The following TRIP4 variants were observed in gnomAD, a reference collection of about 807,000 sequenced individuals.
TRIP4 encodes thyroid hormone receptor interactor 4.
A neutral mutation model predicts 81.8 loss-of-function variants in TRIP4; 54 were observed. The ratio of observed to expected loss-of-function variants is 0.66; its 90% confidence interval spans 0.53 to 0.83. The LOEUF (loss-of-function observed/expected upper bound fraction) is 0.83, where lower values mean the gene tolerates loss of function less well. Ranked by LOEUF, TRIP4 falls within the 40% of genes least tolerant of loss-of-function variation. The probability of loss-of-function intolerance (pLI) is 0.00; values close to 1 mark genes in which losing one functional copy is unlikely to be tolerated. For synonymous variants in TRIP4, 270 were observed against 242.8 expected, an observed-to-expected ratio of 1.11 and a Z score of -1.04; for missense variants, 662 against 683.6, an observed-to-expected ratio of 0.97 and a Z score of 0.35.
rs1891481549 is a variant in TRIP4 at position 64,400,841 on chromosome 15, T to A, written c.697+20T>A. The A allele has an allele frequency of 6.2e-7, 1 of 1,600,878 alleles. No homozygotes were observed. Among genetic ancestry groups the A allele is most frequent in the Admixed American group, 1.7e-5 (1 of 59,782 alleles). On this transcript the variant is annotated intron_variant, in intron 5 of 12. Transcript: ENST00000261884. ...TGTCAGGTAGACAGCAGTCTTGTAA[T>A]TGGATCACTGGGATGATGGGTACCT...
chr15:64,409,170 G>A (rs7183632), intron 6 of TRIP4, among the ~76,000 whole-genome samples: 111,914 of 150,966 alleles, frequency 0.74, 45,085 homozygotes, highest in East Asian at 0.96. Flanking sequence ...CAGCCTGAGC[G>A]ACAGAACGAG....
intron 1 of TRIP4, among the ~76,000 whole-genome samples, chr15:64,391,160 T>C (rs1251697394): frequency 6.6e-6 from 1 of 152,020 alleles, no homozygotes; most frequent in Non-Finnish European, 1.5e-5. Context: ...ATTAACTTTT[T>C]TTTTTTTCTT....
At chr15:64,436,040 AT>A (rs1211697491) in intron 11 of TRIP4, among the ~76,000 whole-genome samples, 1 of 152,056 alleles carries the variant, frequency 6.6e-6, no homozygotes, top group Non-Finnish European at 1.5e-5. Flanking sequence ...CACACCTGTA[AT>A]CCCAGCATTT....
chr15:64,416,074 G>A (rs911994625), intron 8 of TRIP4, among the ~76,000 whole-genome samples: 1 of 152,032 alleles, frequency 6.6e-6, no homozygotes, highest in Non-Finnish European at 1.5e-5. Flanking sequence ...GACCAAAAGT[G>A]GGAGCCGGGC....
At chr15:64,407,829 G>A (rs1891664699) in intron 6 of TRIP4, among the ~76,000 whole-genome samples, 1 of 152,034 alleles carries the variant, frequency 6.6e-6, no homozygotes, top group Non-Finnish European at 1.5e-5. Context: ...AGGCACAGTG[G>A]CTCACGCCTG....
At chr15:64,434,745 A>G (rs1321481466) in intron 11 of TRIP4, among the ~76,000 whole-genome samples, 7 of 152,206 alleles carry the variant, frequency 4.6e-5, no homozygotes, top group Admixed American at 4.6e-4. Context: ...GGTAGAATCA[A>G]TTACTGGATA....
At chr15:64,436,858 G>C (rs1354953176) in intron 11 of TRIP4, among the ~76,000 whole-genome samples, 1 of 128,392 alleles carries the variant, frequency 7.8e-6, no homozygotes, top group Non-Finnish European at 1.6e-5. Flanking sequence ...CAGGTTGTGT[G>C]CCACCACACC....
chr15:64,419,596 G>A (rs936475954), intron 9 of TRIP4, among the ~76,000 whole-genome samples: 1 of 151,876 alleles, frequency 6.6e-6, no homozygotes, highest in African/African-American at 2.4e-5. Flanking sequence ...CTGACCTCGT[G>A]ATCCGCCCGC....
intron 11 of TRIP4, among the ~76,000 whole-genome samples, chr15:64,431,847 A>ATATATATATATATATATATTTTTTTTTT: frequency 2.5e-5 from 3 of 119,550 alleles, no homozygotes; most frequent in African/African-American, 9.7e-5. Context: ...ATATATATAT[A>ATATATATATATATATATATTTTTTTTTT]TTTTTTTTAT....
intron 12 of TRIP4, among the ~76,000 whole-genome samples, chr15:64,449,488 CACT>C (rs1386504044): frequency 6.6e-6 from 1 of 151,780 alleles, no homozygotes; most frequent in Non-Finnish European, 1.5e-5. Context: ...TGTAGATATA[CACT>C]ACTATGATGC....
intron 12 of TRIP4, among the ~76,000 whole-genome samples, chr15:64,445,402 G>A (rs1265710225): frequency 3.3e-5 from 5 of 151,032 alleles, no homozygotes; most frequent in Non-Finnish European, 5.9e-5. Context: ...TGAGGCAGGC[G>A]GATCACAAGG....
intron 1 of TRIP4, among the ~76,000 whole-genome samples, chr15:64,391,385 G>A (rs1900125780): frequency 6.6e-6 from 1 of 151,860 alleles, no homozygotes; most frequent in Non-Finnish European, 1.5e-5. Context: ...TCGGTCTCCT[G>A]ACCTCGTGGT....
At chr15:64,429,768 C>CGAA (rs1244472111) in intron 11 of TRIP4, among the ~76,000 whole-genome samples, 8 of 152,172 alleles carry the variant, frequency 5.3e-5, no homozygotes, top group African/African-American at 1.9e-4. Context: ...AAGTAGTTTC[C>CGAA]TAACTGTGAC....
intron 5 of TRIP4, among the ~76,000 whole-genome samples, chr15:64,405,861 A>G (rs1309697910): frequency 3.9e-5 from 6 of 152,152 alleles, no homozygotes; most frequent in Non-Finnish European, 7.3e-5. Context: ...ACACAATGGC[A>G]TGTGCCTGTT....
At chr15:64,425,708 G>A in intron 11 of TRIP4, 77 bp downstream of exon 11, 1 of 1,174,362 alleles carries the variant, frequency 8.5e-7, no homozygotes, top group Non-Finnish European at 1.2e-6. Flanking sequence ...AGCACTTTAA[G>A]AGGCTGGGCC....
chr15:64,440,083 C>CT, intron 11 of TRIP4, among the ~76,000 whole-genome samples: 1 of 151,598 alleles, frequency 6.6e-6, no homozygotes, highest in Non-Finnish European at 1.5e-5. Context: ...ATTTAGTCCT[C>CT]TAAAAAAAAT....
intron 11 of TRIP4, among the ~76,000 whole-genome samples, chr15:64,438,062 A>G (rs770702730): frequency 2.0e-5 from 3 of 152,218 alleles, no homozygotes; most frequent in Non-Finnish European, 2.9e-5. Flanking sequence ...GTTCTAAAAG[A>G]TATGTTATTT....
intron 1 of TRIP4, among the ~76,000 whole-genome samples, chr15:64,391,100 C>A (rs1900114117): frequency 5.3e-5 from 8 of 152,024 alleles, no homozygotes; most frequent in Admixed American, 5.3e-4. Context: ...AATGTACTAA[C>A]TTGAACAATT....
Position 64,443,866 on chromosome 15 carries a change from C to A in TRIP4, c.1576-1140C>A, listed in dbSNP as rs922613436. Among the ~76,000 whole-genome samples, 9 of 151,696 alleles carry A rather than the reference C, an allele frequency of 5.9e-5. No individual in the cohort carries two copies. The East Asian group carries it at 1.2e-3, about 20-fold the overall frequency. On this transcript the variant is annotated intron_variant, in intron 11 of 12. Transcript: ENST00000261884. ...GAGAGACCCCATCTTTAAAAAAAAA[C>A]AAAACAAAAACAAAGTACATGTCCC...
Sources: gnomAD v4.1 joint callset for allele counts (sites outside exome capture counted in the v4.1 genomes callset) on GRCh38, gnomAD v4.1.1 for gene constraint, MANE v1.5 for transcripts, NCBI Gene and HGNC (gene_info 2026-07-23, HGNC 2026-07-21) for gene names.